The following KAZN variants were observed in gnomAD, a reference collection of about 807,000 sequenced individuals.
KAZN encodes the protein kazrin, periplakin interacting protein, also known as kazrin.
KAZN carries 40 observed loss-of-function variants against 87.4 expected under a neutral mutation model. That is an observed-to-expected ratio of 0.46 (90% CI 0.36 to 0.60). The LOEUF (loss-of-function observed/expected upper bound fraction) is 0.60, where lower values mean the gene tolerates loss of function less well. Ranked by LOEUF, KAZN falls within the 20% of genes least tolerant of loss-of-function variation. The pLI is 0.00. For missense variants in KAZN, 898 were observed against 1,073.9 expected (o/e 0.84, Z 2.29); for synonymous variants, 466 against 458.3 (o/e 1.02, Z -0.22).
At chr1:15,083,050 G>A (rs1054137890) in intron 8 of KAZN, among the ~76,000 whole-genome samples, 15 of 152,254 alleles carry the variant, frequency 9.9e-5, no homozygotes, top group Middle Eastern at 3.4e-3. Flanking sequence ...GATGGACCAC[G>A]TGACCTTGAG....
intron 8 of KAZN, among the ~76,000 whole-genome samples, chr1:15,086,589 T>G (rs1414371561): frequency 6.6e-6 from 1 of 152,194 alleles, no homozygotes; most frequent in Admixed American, 6.5e-5. Context: ...GAAGACATGA[T>G]GAACAAAGAA....
intron 2 of KAZN, among the ~76,000 whole-genome samples, chr1:14,449,700 G>C (rs1402102452): frequency 6.6e-6 from 1 of 152,104 alleles, no homozygotes; most frequent in Non-Finnish European, 1.5e-5. Context: ...GTAGGATGAG[G>C]GCTGACTTTG....
At chr1:14,224,290 C>T (rs577749718) in intron 2 of KAZN, among the ~76,000 whole-genome samples, 91 of 151,964 alleles carry the variant, frequency 6.0e-4, no homozygotes, top group African/African-American at 1.0e-3. Context: ...GAAGGACCAA[C>T]GAAAGCAAAG....
At chr1:14,343,072 C>T (rs1657857499) in intron 2 of KAZN, among the ~76,000 whole-genome samples, 1 of 152,206 alleles carries the variant, frequency 6.6e-6, no homozygotes, top group East Asian at 1.9e-4. Flanking sequence ...ACCCGGGAGG[C>T]GGAGGTTGCA....
intron 2 of KAZN, among the ~76,000 whole-genome samples, chr1:14,291,287 A>G (rs1017306848): frequency 1.3e-5 from 2 of 152,194 alleles, no homozygotes; most frequent in African/African-American, 2.4e-5. Flanking sequence ...CCCTGCCCCC[A>G]GAGGTGGAAT....
intron 1 of KAZN, among the ~76,000 whole-genome samples, chr1:14,890,267 G>T (rs1398661004): frequency 2.6e-5 from 4 of 152,198 alleles, no homozygotes; most frequent in Non-Finnish European, 5.9e-5. Context: ...TGAACAAAAA[G>T]CTCTTTCTGG....
intron 2 of KAZN, among the ~76,000 whole-genome samples, chr1:14,560,247 G>A (rs1183583199): frequency 1.3e-5 from 2 of 152,148 alleles, no homozygotes; most frequent in African/African-American, 4.8e-5. Flanking sequence ...TTTAAGCTCT[G>A]ACAGGATCAG....
At chr1:14,737,638 T>C (rs1034469188) in intron 1 of KAZN, among the ~76,000 whole-genome samples, 1 of 152,218 alleles carries the variant, frequency 6.6e-6, no homozygotes, top group African/African-American at 2.4e-5. Context: ...GCTCAGGGAC[T>C]CACGGGGCAG....
intron 2 of KAZN, among the ~76,000 whole-genome samples, chr1:14,481,785 C>T (rs550206729): frequency 4.5e-4 from 68 of 152,178 alleles, no homozygotes; most frequent in Middle Eastern, 3.4e-3. Flanking sequence ...TGCTTAAAAG[C>T]GTAAGAAGAG....
At chr1:13,924,666 G>A (rs1027045502) in intron 1 of KAZN, among the ~76,000 whole-genome samples, 6 of 152,130 alleles carry the variant, frequency 3.9e-5, no homozygotes, top group Admixed American at 6.5e-5. Context: ...ATCTACCTAT[G>A]ACCTGGAAGC....
chr1:14,870,658 G>C (rs1432830304), intron 1 of KAZN, among the ~76,000 whole-genome samples: 1 of 152,118 alleles, frequency 6.6e-6, no homozygotes, highest in Non-Finnish European at 1.5e-5. Flanking sequence ...TCTGTTAAAT[G>C]GGGTTCACGA....
intron 1 of KAZN, among the ~76,000 whole-genome samples, chr1:13,992,062 T>A (rs1639307970): frequency 6.6e-6 from 1 of 152,170 alleles, no homozygotes; most frequent in Admixed American, 6.5e-5. Context: ...TCCTTACCTC[T>A]GCATTTAGCA....
chr1:14,700,620 T>C (rs185653280), intron 1 of KAZN, among the ~76,000 whole-genome samples: 40 of 152,214 alleles, frequency 2.6e-4, no homozygotes, highest in Admixed American at 2.5e-3. Context: ...GACAAATGTG[T>C]CCACACACCC....
chr1:14,364,380 C>T (rs1330446333), intron 2 of KAZN, among the ~76,000 whole-genome samples: 3 of 152,090 alleles, frequency 2.0e-5, no homozygotes, highest in Non-Finnish European at 2.9e-5. Flanking sequence ...GCCACTACAA[C>T]GATCGAATGG....
chr1:14,833,446 A>T (rs964746217), intron 1 of KAZN, among the ~76,000 whole-genome samples: 1 of 152,174 alleles, frequency 6.6e-6, no homozygotes, highest in Non-Finnish European at 1.5e-5. Context: ...GGAAGGAAAG[A>T]AGTCAATATA....
chr1:14,243,453 T>A (rs368279160), intron 2 of KAZN, among the ~76,000 whole-genome samples: 1 of 152,214 alleles, frequency 6.6e-6, no homozygotes, highest in African/African-American at 2.4e-5. Flanking sequence ...CCACTTCATT[T>A]AGAACATAAA....
At chr1:14,937,387 T>C (rs1335805862) in intron 1 of KAZN, among the ~76,000 whole-genome samples, 1 of 152,224 alleles carries the variant, frequency 6.6e-6, no homozygotes, top group South Asian at 2.1e-4. Flanking sequence ...CTTTCCTGCC[T>C]TTCCCTTCCC....
intron 13 of KAZN, among the ~76,000 whole-genome samples, chr1:15,107,642 C>G (rs922491368): frequency 6.6e-6 from 1 of 152,090 alleles, no homozygotes; most frequent in Non-Finnish European, 1.5e-5. Flanking sequence ...GGCAAAGGAA[C>G]CAGTACATCA....
intron 1 of KAZN, among the ~76,000 whole-genome samples, chr1:13,907,543 A>T (rs1639491598): frequency 6.6e-6 from 1 of 152,008 alleles, no homozygotes; most frequent in Non-Finnish European, 1.5e-5. Context: ...CTTGGAATGA[A>T]CTAGGCTGGC....
Sources: gnomAD v4.1 joint callset for allele counts (sites outside exome capture counted in the v4.1 genomes callset) on GRCh38, gnomAD v4.1.1 for gene constraint, MANE v1.5 for transcripts, NCBI Gene and HGNC (gene_info 2026-07-23, HGNC 2026-07-21) for gene names.